Variants in FCHO2 observed in about 807,000 individuals in gnomAD.
FCHO2 encodes the protein FCH and mu domain containing endocytic adaptor 2.
FCHO2 carries 43 observed loss-of-function variants against 114.1 expected under a neutral mutation model. The ratio of observed to expected loss-of-function variants is 0.38; its 90% confidence interval spans 0.30 to 0.49. FCHO2 has a LOEUF of 0.49. FCHO2 is among the 20% of genes least tolerant of loss of function. The pLI, the probability that FCHO2 is intolerant of heterozygous loss-of-function variation, is 0.97. For missense variants in FCHO2, 807 were observed against 950.4 expected, an observed-to-expected ratio of 0.85 and a Z score of 1.98; for synonymous variants, 293 against 315.2, an observed-to-expected ratio of 0.93 and a Z score of 0.75.
intron 11 of FCHO2, chr5:73,051,039 A>G (rs1411413864): frequency 3.6e-6 from 1 of 274,862 alleles, no homozygotes; most frequent in African/African-American, 2.3e-5. Flanking sequence ...CATTTATAAC[A>G]GAAACTGTAG....
At chr5:73,004,303 A>G (rs1453101716) in intron 5 of FCHO2, among the ~76,000 whole-genome samples, 2 of 152,156 alleles carry the variant, frequency 1.3e-5, no homozygotes, top group Non-Finnish European at 2.9e-5. Context: ...ACGTATTTGA[A>G]CAGGGGCAGG....
At chr5:73,030,045 GTTT>G (rs113431803) in intron 8 of FCHO2, among the ~76,000 whole-genome samples, 1 of 135,258 alleles carries the variant, frequency 7.4e-6, no homozygotes, top group African/African-American at 2.7e-5. Context: ...CTTTCTTTTT[GTTT>G]TTTTTTTTTT....
rs1743161132 is a variant in FCHO2 at position 73,082,752 on chromosome 5, T to C, written c.2181-9T>C. ...ACACAAAACCTGAAGATATCTGTTCTTATTGCAGGAATGCAGAACAAATGA... is the reference window on the plus strand; with the variant it reads ...ACACAAAACCTGAAGATATCTGTTCCTATTGCAGGAATGCAGAACAAATGA... On this transcript the variant is annotated splice_polypyrimidine_tract_variant and intron_variant, in intron 23 of 25. Coordinates refer to ENST00000430046, the MANE Select transcript of FCHO2 (RefSeq NM_138782.3). 6.3e-7 allele frequency: 1 copy of C among 1,599,900 alleles called. No individual in the cohort carries two copies. The highest frequency in any genetic ancestry group is 1.3e-5 in the African/African-American group (1 of 74,484).
chr5:73,019,057 C>T (rs1188699251), intron 8 of FCHO2, among the ~76,000 whole-genome samples: 3 of 152,104 alleles, frequency 2.0e-5, no homozygotes, highest in Non-Finnish European at 2.9e-5. Context: ...GTGGCTTGTT[C>T]GAAGACCTGT....
At chr5:72,992,505 A>G (rs997853769) in intron 5 of FCHO2, among the ~76,000 whole-genome samples, 3 of 152,238 alleles carry the variant, frequency 2.0e-5, no homozygotes, top group Non-Finnish European at 4.4e-5. Flanking sequence ...TAAAGTAGGC[A>G]GTGGGATTTG....
intron 5 of FCHO2, among the ~76,000 whole-genome samples, chr5:72,997,957 A>C (rs1192652742): frequency 6.6e-6 from 1 of 152,176 alleles, no homozygotes; most frequent in African/African-American, 2.4e-5. Context: ...CCAGAGCCAC[A>C]GATATATGGT....
intron 21 of FCHO2, among the ~76,000 whole-genome samples, 162 bp downstream of exon 21, chr5:73,077,655 C>T (rs1239628792): frequency 6.6e-6 from 1 of 152,022 alleles, no homozygotes; most frequent in Non-Finnish European, 1.5e-5. Flanking sequence ...TGTGGCAAAA[C>T]CCCATCTCTA....
intron 5 of FCHO2, among the ~76,000 whole-genome samples, chr5:73,000,667 C>G (rs527932541): frequency 1.3e-5 from 2 of 151,472 alleles, no homozygotes; most frequent in Non-Finnish European, 2.9e-5. Context: ...CCCAGCTACT[C>G]GGGAGGCTGA....
intron 9 of FCHO2, among the ~76,000 whole-genome samples, chr5:73,036,082 G>T (rs1756488775): frequency 6.6e-6 from 1 of 152,022 alleles, no homozygotes. Flanking sequence ...CTGACCTTAG[G>T]TGATCCGCCC....
At chr5:73,008,665 T>C (rs1380953825) in intron 6 of FCHO2, among the ~76,000 whole-genome samples, 1 of 152,170 alleles carries the variant, frequency 6.6e-6, no homozygotes, top group African/African-American at 2.4e-5. Context: ...CAATTCCGAA[T>C]CCGAAGAGCT....
At chr5:72,997,114 G>A (rs1269679826) in intron 5 of FCHO2, 14 of 1,158,980 alleles carry the variant, frequency 1.2e-5, no homozygotes, top group African/African-American at 4.5e-5. Context: ...TGCTGGATCC[G>A]GATGAGATAC....
Position 73,088,233 on chromosome 5 carries a change from C to A in FCHO2, c.*143C>A. 1 of 1,018,462 alleles carries A rather than the reference C, an allele frequency of 9.8e-7. No individual in the cohort carries two copies. The highest frequency in any genetic ancestry group is 1.5e-6 in the Non-Finnish European group (1 of 679,726). 63.1% of individuals were successfully genotyped at this position (1,018,462 alleles called of 1,614,324 possible). A position where few individuals can be genotyped will look rare whatever the true frequency, so the allele number is the denominator to read the frequency against. On this transcript the variant is annotated 3_prime_UTR_variant, in exon 26 of 26. Transcript: ENST00000430046. ...AGCTGACTACAAACATTAAATCGCA[C>A]TTTTAAAGTGAGTCATTGAAATAAA...
At chr5:72,967,929 AT>A (rs879440135) in intron 1 of FCHO2, among the ~76,000 whole-genome samples, 117 of 120,404 alleles carry the variant, frequency 9.7e-4, no homozygotes, top group Admixed American at 9.2e-4. Flanking sequence ...CTCATACTTA[AT>A]TTTTTTTTTT....
intron 8 of FCHO2, chr5:73,020,878 A>G (rs554819196): frequency 9.3e-6 from 10 of 1,069,566 alleles, no homozygotes; most frequent in Middle Eastern, 5.3e-4. Flanking sequence ...TAGCACCTGT[A>G]TCAGCTCACC....
At position 73,052,503 on chromosome 5, in the gene FCHO2, T is replaced by C. The variant is rs1332237949; in HGVS notation, c.1169T>C (p.Ile390Thr). ...SIGNITLSPA[I>T]SRHSPVQMNR... ...GGGAATATAACACTCTCCCCAGCAA[T>C]ATCTGTAAGTACAAACACGTTTGTA... is the stretch of plus-strand genomic sequence containing the variant. Residue 390 changes from isoleucine to threonine, a missense_variant, in exon 13 of 26, where the codon ATA (isoleucine) becomes ACA (threonine). By Grantham distance (89) the Ile-to-Thr change is moderately conservative. Coordinates refer to ENST00000430046, the MANE Select transcript of FCHO2 (RefSeq NM_138782.3). The C allele has an allele frequency of 2.5e-6, 4 of 1,583,118 alleles. No individual in the cohort carries two copies. Among genetic ancestry groups the C allele is most frequent in the Non-Finnish European group, 3.4e-6 (4 of 1,163,678 alleles).
chr5:73,045,210 A>G (rs1757000494), intron 11 of FCHO2, among the ~76,000 whole-genome samples: 1 of 152,212 alleles, frequency 6.6e-6, no homozygotes, highest in African/African-American at 2.4e-5. Context: ...GGACATTTTC[A>G]TTAGCACAAC....
At chr5:73,052,137 A>G (rs924525359) in intron 12 of FCHO2, among the ~76,000 whole-genome samples, 195 bp from the exon 13 acceptor site, 13 of 151,772 alleles carry the variant, frequency 8.6e-5, no homozygotes, top group Admixed American at 6.6e-4. Context: ...GTTAGCCAGG[A>G]TGGTCTTGAT....
rs555469950 is a variant in FCHO2 at position 72,970,780 on chromosome 5, G to A, written c.125+2191G>A. ...TTAGTTACATATGTATACATGTGCC[G>A]TGCTGGTGCGCTGCACCCACTAACT... On this transcript the variant is annotated intron_variant, in intron 2 of 25. Coordinates refer to ENST00000430046, the MANE Select transcript of FCHO2 (RefSeq NM_138782.3). Among the ~76,000 whole-genome samples the A allele has an allele frequency of 1.3e-3, 203 of 151,406 alleles. 2 individuals carry two copies. The highest frequency in any genetic ancestry group is 4.6e-3 in the African/African-American group (188 of 41,210).
At chr5:73,011,730 A>T (rs757254067) in intron 6 of FCHO2, among the ~76,000 whole-genome samples, 23 of 152,010 alleles carry the variant, frequency 1.5e-4, no homozygotes, top group Non-Finnish European at 2.4e-4. Context: ...GGCCAACATG[A>T]TGAAACCTCA....
Sources: gnomAD v4.1 joint callset for allele counts (sites outside exome capture counted in the v4.1 genomes callset) on GRCh38, gnomAD v4.1.1 for gene constraint, MANE v1.5 for transcripts, NCBI Gene and HGNC (gene_info 2026-07-23, HGNC 2026-07-21) for gene names.